The following KCNH1 variants were observed in gnomAD, a reference collection of about 807,000 sequenced individuals.
KCNH1 encodes the protein voltage-gated delayed rectifier potassium channel KCNH1.
A neutral mutation model predicts 69.2 loss-of-function variants in KCNH1; 27 were observed. The ratio of observed to expected loss-of-function variants is 0.39; its 90% confidence interval spans 0.29 to 0.54. The LOEUF (loss-of-function observed/expected upper bound fraction) is 0.54. Ranked by LOEUF, KCNH1 falls within the 20% of genes least tolerant of loss-of-function variation. KCNH1 has a pLI of 0.68. For synonymous variants in KCNH1, 456 were observed against 487.7 expected, an observed-to-expected ratio of 0.93 and a Z score of 0.86; for missense variants, 798 against 1,261.6, an observed-to-expected ratio of 0.63 and a Z score of 5.57.
intron 5 of KCNH1, among the ~76,000 whole-genome samples, chr1:211,036,972 A>C (rs1384125739): frequency 6.6e-6 from 1 of 152,212 alleles, no homozygotes; most frequent in East Asian, 1.9e-4. Flanking sequence ...AGTGCTCATT[A>C]AAGGCCATTA....
chr1:210,732,167 A>T (rs996727758), intron 10 of KCNH1, among the ~76,000 whole-genome samples: 1 of 151,574 alleles, frequency 6.6e-6, no homozygotes. Flanking sequence ...GTGGCTAAGG[A>T]TAAATTTGTT....
rs143629183 is a variant in KCNH1, at chr1:211,018,642, G to A, written c.1032+141C>T. 2.5e-4 allele frequency: 179 copies of A among 709,396 alleles called. 1 individual carries two copies. The African/African-American group carries it at 3.0e-3, about 12-fold the overall frequency. 43.9% of individuals were successfully genotyped at this position (709,396 alleles called of 1,614,324 possible). On this transcript the variant is annotated intron_variant, in intron 6 of 10. Coordinates refer to ENST00000271751, the MANE Select transcript of KCNH1 (RefSeq NM_172362.3). ...GCCAAAGGATGGGAACAGCAGGCAA[G>A]GGTATCTATCAAGCATGCTCCCTCT...
intron 6 of KCNH1, among the ~76,000 whole-genome samples, chr1:210,931,637 A>G (rs1303502169): frequency 1.3e-5 from 2 of 152,078 alleles, no homozygotes; most frequent in East Asian, 3.9e-4. Flanking sequence ...ACCAAACAAC[A>G]ACTGTTCCCC....
chr1:211,031,623 A>G (rs2358115), intron 5 of KCNH1, among the ~76,000 whole-genome samples: 105,558 of 152,018 alleles, frequency 0.69, 37,212 homozygotes, highest in African/African-American at 0.81. Context: ...AATCAATAAA[A>G]ATAATCCAGC....
At chr1:210,980,691 G>T (rs1368716775) in intron 6 of KCNH1, among the ~76,000 whole-genome samples, 1 of 152,152 alleles carries the variant, frequency 6.6e-6, no homozygotes, top group African/African-American at 2.4e-5. Flanking sequence ...CATGAGAATA[G>T]TATGAGCAGT....
intron 5 of KCNH1, among the ~76,000 whole-genome samples, chr1:211,024,893 C>G (rs576305250): frequency 1.3e-5 from 2 of 151,408 alleles, no homozygotes; most frequent in South Asian, 4.3e-4. Context: ...CACTACAGGA[C>G]TGTTTTTAAG....
chr1:211,043,192 T>C (rs955565901), intron 5 of KCNH1, among the ~76,000 whole-genome samples: 2 of 152,004 alleles, frequency 1.3e-5, no homozygotes, highest in Admixed American at 1.3e-4. Flanking sequence ...ATAAATAAAA[T>C]GGATAGACCA....
intron 10 of KCNH1, among the ~76,000 whole-genome samples, chr1:210,684,736 A>C (rs1015802854): frequency 6.6e-6 from 1 of 152,222 alleles, no homozygotes; most frequent in Non-Finnish European, 1.5e-5. Context: ...TCTCACACGG[A>C]AGTCCTTGTC....
In KCNH1 at chr1:211,134,054, C is replaced by A; in HGVS notation, c.-109G>T. The A allele has an allele frequency of 1.1e-6, 1 of 919,890 alleles. No individual in the cohort carries two copies. The highest frequency in any genetic ancestry group is 1.5e-5 in the South Asian group (1 of 65,166). 57.0% of individuals were successfully genotyped at this position (919,890 alleles called of 1,614,324 possible). Reference sequence around the variant, plus strand: ...TCCCGGCTCGAAGCGCCCCATGCGCCCGGCGGGGATCCGCAGGCAGGGCTG... The same window carrying A: ...TCCCGGCTCGAAGCGCCCCATGCGCACGGCGGGGATCCGCAGGCAGGGCTG... On this transcript the variant is annotated 5_prime_UTR_variant, in exon 1 of 11. Transcript: ENST00000271751. The surrounding 1 kb of genome is among the most constrained non-coding windows in gnomAD (Gnocchi z 5.7).
At chr1:210,876,736 C>G (rs981131249) in intron 7 of KCNH1, among the ~76,000 whole-genome samples, 17 of 151,968 alleles carry the variant, frequency 1.1e-4, no homozygotes, top group African/African-American at 4.1e-4. Flanking sequence ...CTTCAAGGAG[C>G]CATAAAGCGA....
chr1:211,123,038 C>G (rs902233453), intron 1 of KCNH1, among the ~76,000 whole-genome samples: 2 of 152,134 alleles, frequency 1.3e-5, no homozygotes, highest in African/African-American at 4.8e-5. Context: ...CTCAGAACAG[C>G]TTTGTTTAAT....
At chr1:210,753,715 T>C (rs1235482283) in intron 10 of KCNH1, among the ~76,000 whole-genome samples, 1 of 152,214 alleles carries the variant, frequency 6.6e-6, no homozygotes, top group Admixed American at 6.5e-5. Flanking sequence ...GTGCATTACA[T>C]GTACTTTCTA....
At chr1:211,001,332 C>T (rs564575715) in intron 6 of KCNH1, among the ~76,000 whole-genome samples, 2 of 152,250 alleles carry the variant, frequency 1.3e-5, no homozygotes, top group Admixed American at 6.5e-5. Flanking sequence ...AAACAAACAA[C>T]CCCATCAAAA....
chr1:210,705,658 T>C (rs543037480), intron 10 of KCNH1, among the ~76,000 whole-genome samples: 1 of 152,374 alleles, frequency 6.6e-6, no homozygotes, highest in South Asian at 2.1e-4. Flanking sequence ...GCCCAGATGA[T>C]GGATCTCAGG....
chr1:211,128,374 T>G (rs1571669796), intron 1 of KCNH1, among the ~76,000 whole-genome samples: 1 of 151,762 alleles, frequency 6.6e-6, no homozygotes, highest in African/African-American at 2.4e-5. Flanking sequence ...GAATATATGC[T>G]ATATGATCTC....
At chr1:210,970,695 A>T (rs1052087951) in intron 6 of KCNH1, among the ~76,000 whole-genome samples, 2 of 152,198 alleles carry the variant, frequency 1.3e-5, no homozygotes, top group African/African-American at 4.8e-5. Flanking sequence ...ACTGGAAGAA[A>T]ACTTAGGCAA....
chr1:211,119,836 AG>A (rs558552956), intron 1 of KCNH1, among the ~76,000 whole-genome samples: 11 of 152,354 alleles, frequency 7.2e-5, no homozygotes, highest in Middle Eastern at 3.4e-3. Context: ...TTTTTTATTA[AG>A]TCAGTAAATT....
Position 211,099,882 on chromosome 1 carries a change from C to G in KCNH1, c.310+3614G>C, listed in dbSNP as rs144414058. On this transcript the variant is annotated intron_variant, in intron 3 of 10. Transcript: ENST00000271751. Reference sequence around the variant, plus strand: ...ACAAAGGCCCTGCGCTCCATCTCCTCCATAGCCCCCTGGACACCTGTCAGT... The same window carrying G: ...ACAAAGGCCCTGCGCTCCATCTCCTGCATAGCCCCCTGGACACCTGTCAGT... 9.2e-4 allele frequency among the ~76,000 whole-genome samples: 140 copies of G among 152,248 alleles called. 1 individual carries two copies. The East Asian group carries it at 0.011, about 12-fold the overall frequency.
At chr1:210,786,103 C>A (rs1171084359) in intron 9 of KCNH1, among the ~76,000 whole-genome samples, 2 of 152,130 alleles carry the variant, frequency 1.3e-5, no homozygotes, top group African/African-American at 2.4e-5. Flanking sequence ...CAATACCCAT[C>A]CCTCTTCATT....
Sources: gnomAD v4.1 joint callset for allele counts (sites outside exome capture counted in the v4.1 genomes callset) on GRCh38, gnomAD v4.1.1 for gene constraint, Gnocchi (gnomAD v3.1) non-coding constraint, MANE v1.5 for transcripts, NCBI Gene and HGNC (gene_info 2026-07-23, HGNC 2026-07-21) for gene names.